The following GLOD4 variants were observed in gnomAD, a reference collection of about 807,000 sequenced individuals.
GLOD4 encodes glyoxalase domain-containing protein 4.
GLOD4 carries 44 observed loss-of-function variants against 39.1 expected under a neutral mutation model. The observed-to-expected ratio is 1.13, with a 90% CI of 0.88 to 1.45. The LOEUF (loss-of-function observed/expected upper bound fraction) is 1.45, where lower values mean the gene tolerates loss of function less well. Ranked by LOEUF, GLOD4 falls within the 40% of genes most tolerant of loss-of-function variation. GLOD4 has a pLI of 0.00. For synonymous variants in GLOD4, 145 were observed against 135.0 expected (o/e 1.07, Z -0.52); for missense variants, 405 against 366.4 (o/e 1.11, Z -0.86).
chr17:761,649 C>T (rs1400564227), intron 8 of GLOD4, among the ~76,000 whole-genome samples: 2 of 152,102 alleles, frequency 1.3e-5, no homozygotes, highest in African/African-American at 4.8e-5. Flanking sequence ...GGATTACAGG[C>T]GTACACCACC....
At chr17:772,744 C>G (rs1207472248) in intron 4 of GLOD4, among the ~76,000 whole-genome samples, 1 of 152,060 alleles carries the variant, frequency 6.6e-6, no homozygotes, top group Non-Finnish European at 1.5e-5. Flanking sequence ...GCCTGTAATC[C>G]CAGCACTTTG....
upstream of GLOD4, chr17:782,426 G>T (rs1454366651): frequency 6.2e-7 from 1 of 1,614,012 alleles, no homozygotes; most frequent in Non-Finnish European, 8.5e-7. Flanking sequence ...GACCGTTGCT[G>T]CAGGTGGTCC....
intron 4 of GLOD4, among the ~76,000 whole-genome samples, chr17:774,186 C>A (rs1026021075): frequency 2.0e-5 from 3 of 152,204 alleles, no homozygotes; most frequent in Admixed American, 6.5e-5. Flanking sequence ...CCACGAGTCC[C>A]ACACAGCCAA....
chr17:760,199 G>T lies in GLOD4; in HGVS notation c.871C>A (p.His291Asn). The T allele has an allele frequency of 6.2e-7, 1 of 1,600,836 alleles. No individual in the cohort carries two copies. The highest frequency in any genetic ancestry group is 8.6e-7 in the Non-Finnish European group (1 of 1,167,960). Reference protein sequence around the residue: ...ADKSDEWFAKHNKPKASG With the variant: ...ADKSDEWFAKNNKPKASG ...TAACCTGAAGCTTTGGGTTTATTGT[G>T]TTTGGCAAACCACTCGTCACTTTTA... Residue 291 changes from histidine to asparagine, a missense_variant, in exon 9 of 9, where the codon CAC (histidine) becomes AAC (asparagine). Transcript: ENST00000301329.
chr17:781,692 G>A (rs1210632631), intron 1 of GLOD4, among the ~76,000 whole-genome samples: 1 of 152,194 alleles, frequency 6.6e-6, no homozygotes, highest in Non-Finnish European at 1.5e-5. Context: ...TTGAAAAGCA[G>A]ATGGGTTGAG....
At chr17:778,648 G>C (rs749445804) in intron 2 of GLOD4, 47 bp downstream of exon 2, 25 of 1,040,250 alleles carry the variant, frequency 2.4e-5, no homozygotes, top group Non-Finnish European at 3.7e-5. Flanking sequence ...CTGTTATCCG[G>C]GTGTAGTCAG....
upstream of GLOD4, chr17:783,117 C>T (rs369885209): frequency 1.9e-6 from 3 of 1,613,396 alleles, no homozygotes; most frequent in African/African-American, 2.7e-5. Context: ...CAGGCCATTT[C>T]GGGAAAAACA....
At chr17:765,949 C>T (rs912727436) in intron 8 of GLOD4, among the ~76,000 whole-genome samples, 20 of 151,158 alleles carry the variant, frequency 1.3e-4, no homozygotes, top group African/African-American at 4.9e-4. Flanking sequence ...GAGTGAGACT[C>T]CCAACTCAAA....
rs182380855 is a variant in GLOD4, at chr17:778,287, C to T, written c.140+408G>A. Reference sequence around the variant, plus strand: ...TCCTGAAGATCCAGACTGTGACCGGCGCCTGACGTGGCGGAAAATCTTCTG... The same window carrying T: ...TCCTGAAGATCCAGACTGTGACCGGTGCCTGACGTGGCGGAAAATCTTCTG... On this transcript the variant is annotated intron_variant, in intron 2 of 8. Coordinates refer to ENST00000301329, the MANE Select transcript of GLOD4 (RefSeq NM_016080.4). 9.4e-5 allele frequency: 29 copies of T among 307,912 alleles called. 1 individual carries two copies. Among genetic ancestry groups the T allele is most frequent in the African/African-American group, 4.5e-4 (21 of 46,782 alleles). 19.1% of individuals were successfully genotyped at this position (307,912 alleles called of 1,614,324 possible).
chr17:772,962 T>C (rs1314590037), intron 4 of GLOD4, among the ~76,000 whole-genome samples: 1 of 151,146 alleles, frequency 6.6e-6, no homozygotes, highest in Non-Finnish European at 1.5e-5. Context: ...GCCACTGCAC[T>C]CTAGCCTGGG....
intron 4 of GLOD4, among the ~76,000 whole-genome samples, chr17:772,013 CAAA>C (rs67745456): frequency 1.5e-3 from 78 of 50,990 alleles, no homozygotes; most frequent in African/African-American, 4.7e-3. Context: ...AACTCTGTCT[CAAA>C]AAAAAAAAAA....
At chr17:767,357 T>C (rs1906760536) in intron 8 of GLOD4, among the ~76,000 whole-genome samples, 1 of 152,218 alleles carries the variant, frequency 6.6e-6, no homozygotes, top group Non-Finnish European at 1.5e-5. Flanking sequence ...AATCTAAAAG[T>C]AGTTGCTATA....
intron 8 of GLOD4, among the ~76,000 whole-genome samples, chr17:761,566 G>A (rs190639389): frequency 1.2e-3 from 181 of 152,250 alleles, no homozygotes; most frequent in Non-Finnish European, 2.2e-4. Context: ...GTGCAACGGC[G>A]CCATCTCGGC....
intron 3 of GLOD4, 117 bp downstream of exon 3, chr17:776,746 CTCTTT>C (rs1909028453): frequency 7.9e-6 from 6 of 758,846 alleles, no homozygotes; most frequent in Non-Finnish European, 1.4e-5. Context: ...ACTCCCTGAC[CTCTTT>C]TGAGTCTCTG....
At chr17:763,070 G>A (rs943121314) in intron 8 of GLOD4, among the ~76,000 whole-genome samples, 2 of 152,148 alleles carry the variant, frequency 1.3e-5, no homozygotes, top group South Asian at 2.1e-4. Context: ...CCAGCTACTC[G>A]GGAGGCTGAG....
intron 1 of GLOD4, chr17:780,820 C>T (rs923689051): frequency 1.3e-5 from 2 of 152,524 alleles, no homozygotes; most frequent in Non-Finnish European, 2.9e-5. Flanking sequence ...GGTTGGAAAA[C>T]CGCTCCTTCT....
At chr17:783,567 C>G (rs1910356582), upstream of GLOD4, 3 of 355,152 alleles carry the variant, frequency 8.4e-6, no homozygotes, top group Admixed American at 4.1e-5. Flanking sequence ...GAACTTGTGA[C>G]CTCAGGTGAT....
chr17:776,372 GC>G (rs1169636936), intron 3 of GLOD4, among the ~76,000 whole-genome samples: 1 of 152,154 alleles, frequency 6.6e-6, no homozygotes, highest in Non-Finnish European at 1.5e-5. Flanking sequence ...CTTGTTTCTG[GC>G]TCGGTTTATT....
At chr17:784,850 CTG>C (rs772270812), upstream of GLOD4, among the ~76,000 whole-genome samples, 1 of 152,186 alleles carries the variant, frequency 6.6e-6, no homozygotes, top group Non-Finnish European at 1.5e-5. Flanking sequence ...TTTTGGCCAT[CTG>C]TGACTCCGAA....
Sources: allele counts gnomAD v4.1 joint callset (sites outside exome capture counted in the v4.1 genomes callset), GRCh38; gene constraint gnomAD v4.1.1; transcripts MANE v1.5; gene names NCBI Gene and HGNC (gene_info 2026-07-23, HGNC 2026-07-21).